Variants in TEK observed in about 807,000 individuals in gnomAD.
The protein encoded by TEK is TEK receptor tyrosine kinase, also known as angiopoietin-1 receptor.
In TEK, 43 loss-of-function variants were observed where a neutral mutation model predicts 131.8. That is an observed-to-expected ratio of 0.33 (90% CI 0.26 to 0.42). TEK has a LOEUF of 0.42. Among genes scored for constraint, TEK ranks in the 10% least tolerant of loss-of-function variants. The pLI is 1.00. For missense variants in TEK, 1,162 were observed against 1,384.4 expected (o/e 0.84, Z 2.55); for synonymous variants, 580 against 491.6 (o/e 1.18, Z -2.38).
chr9:27,142,779 C>T (rs147600575), intron 1 of TEK, among the ~76,000 whole-genome samples: 43 of 152,308 alleles, frequency 2.8e-4, no homozygotes, highest in Admixed American at 7.8e-4. Context: ...TTGAGATCTC[C>T]TTTAGTCATC....
intron 18 of TEK, among the ~76,000 whole-genome samples, chr9:27,217,179 C>T (rs1825847254): frequency 6.6e-6 from 1 of 152,184 alleles, no homozygotes; most frequent in Non-Finnish European, 1.5e-5. Flanking sequence ...TCCCCTTGTC[C>T]AGAGATGCTC....
intron 6 of TEK, among the ~76,000 whole-genome samples, chr9:27,178,856 T>A (rs1824262986): frequency 6.6e-6 from 1 of 152,204 alleles, no homozygotes; most frequent in African/African-American, 2.4e-5. Flanking sequence ...TATTCTACTA[T>A]AAAGAAACAG....
intron 9 of TEK, among the ~76,000 whole-genome samples, chr9:27,187,421 C>T (rs1409989802): frequency 1.3e-5 from 2 of 152,168 alleles, no homozygotes; most frequent in Non-Finnish European, 2.9e-5. Flanking sequence ...TTTACTTAGC[C>T]TGGGAACCAG....
chr9:27,218,087 A>AGC (rs1825887164), intron 19 of TEK, among the ~76,000 whole-genome samples: 1 of 146,080 alleles, frequency 6.8e-6, no homozygotes, highest in Non-Finnish European at 1.5e-5. Flanking sequence ...GATCAGAGGA[A>AGC]GCAACCCAGA....
At chr9:27,192,028 C>A in intron 10 of TEK, 1 of 445,064 alleles carries the variant, frequency 2.2e-6, no homozygotes, top group Non-Finnish European at 4.5e-6. Flanking sequence ...CTTCAGAATG[C>A]TTCATTGTAA....
chr9:27,188,587 A>G (rs891814469), intron 9 of TEK, among the ~76,000 whole-genome samples: 1 of 152,164 alleles, frequency 6.6e-6, no homozygotes, highest in Non-Finnish European at 1.5e-5. Context: ...CCTAAGTGAA[A>G]TGTGTACTCA....
chr9:27,117,142 G>T (rs1370274196), intron 1 of TEK, among the ~76,000 whole-genome samples: 1 of 152,130 alleles, frequency 6.6e-6, no homozygotes, highest in Non-Finnish European at 1.5e-5. Flanking sequence ...TGGGATTACA[G>T]GCGTGAGCCA....
At chr9:27,208,349 T>A (rs574023203) in intron 15 of TEK, among the ~76,000 whole-genome samples, 3 of 148,570 alleles carry the variant, frequency 2.0e-5, no homozygotes, top group African/African-American at 7.3e-5. Flanking sequence ...CAATGTGTGT[T>A]TTTTTTTTTA....
chr9:27,184,961 A>T (rs369279680), intron 8 of TEK, among the ~76,000 whole-genome samples: 11 of 152,144 alleles, frequency 7.2e-5, no homozygotes, highest in Admixed American at 5.2e-4. Flanking sequence ...ACTTAAGGCC[A>T]GGAGTTTGAG....
chr9:27,172,872 C>A, intron 5 of TEK, 125 bp downstream of exon 5: 2 of 1,328,024 alleles, frequency 1.5e-6, no homozygotes, highest in Non-Finnish European at 1.1e-6. Context: ...CAGATGGTAC[C>A]TGTGTGTGAA....
In TEK at chr9:27,183,503, A is replaced by T. The variant is rs749100650; in HGVS notation, c.1075A>T (p.Ile359Leu). The T allele has an allele frequency of 1.5e-5, 24 of 1,613,810 alleles. No individual in the cohort carries two copies. Among genetic ancestry groups the T allele is most frequent in the Non-Finnish European group, 1.7e-5 (20 of 1,179,868 alleles). The change falls in exon 8 of 23, where the codon ATA (isoleucine) becomes TTA (leucine). Residue 359 changes from isoleucine (I) to leucine (L), a missense_variant. Ile to Leu is a conservative substitution (Grantham distance 5). This residue lies in a region of TEK where 436 missense variants were observed against 539.1 expected (regional missense o/e 0.81). Transcript: ENST00000380036. ...AAAGATAGTGGATTTGCCAGATCATATAGAAGTAAACAGTGGTAAATTTAA... is the reference window on the plus strand; with the variant it reads ...AAAGATAGTGGATTTGCCAGATCATTTAGAAGTAAACAGTGGTAAATTTAA... ...TPKIVDLPDH[I>L]EVNSGKFNPI...
intron 1 of TEK, among the ~76,000 whole-genome samples, chr9:27,115,079 ATGT>A (rs1430938507): frequency 3.9e-5 from 6 of 152,224 alleles, no homozygotes; most frequent in African/African-American, 1.2e-4. Context: ...GAATTGTAAA[ATGT>A]TGTGATAAAT....
chr9:27,194,395 A>G (rs1824933293), intron 11 of TEK, among the ~76,000 whole-genome samples: 1 of 152,206 alleles, frequency 6.6e-6, no homozygotes. Flanking sequence ...TCTGAGACTT[A>G]TAGAAGCATT....
At chr9:27,109,852 T>C (rs1039125053) in intron 1 of TEK, among the ~76,000 whole-genome samples, 1 of 152,174 alleles carries the variant, frequency 6.6e-6, no homozygotes, top group Non-Finnish European at 1.5e-5. Flanking sequence ...GTTTGTCTTC[T>C]GGGTGATTGG....
intron 19 of TEK, among the ~76,000 whole-genome samples, chr9:27,218,132 G>GGGGGT (rs1564106228): frequency 1.3e-5 from 2 of 150,766 alleles, no homozygotes; most frequent in Non-Finnish European, 3.0e-5. Context: ...CCAGACAGTG[G>GGGGGT]CGGGGGTCGT....
At chr9:27,165,710 G>T (rs769137266) in intron 2 of TEK, among the ~76,000 whole-genome samples, 35 of 152,168 alleles carry the variant, frequency 2.3e-4, no homozygotes, top group Non-Finnish European at 4.6e-4. Context: ...CTTTCAAAAA[G>T]GGTGGCAGAG....
At chr9:27,181,361 A>G (rs1056189864) in intron 7 of TEK, among the ~76,000 whole-genome samples, 2 of 152,124 alleles carry the variant, frequency 1.3e-5, no homozygotes, top group African/African-American at 4.8e-5. Context: ...AAATTTTCCA[A>G]TATATTTATT....
chr9:27,229,124 A>C, intron 22 of TEK, 34 bp from the exon 23 acceptor site: 2 of 1,604,314 alleles, frequency 1.2e-6, no homozygotes, highest in Non-Finnish European at 1.7e-6. Flanking sequence ...GAATCAAAGC[A>C]GCCTATGTCT....
chr9:27,224,691 C>T lies in TEK; in HGVS notation c.3201-3515C>T, dbSNP rs187846559. ...AGCTGGAAGCATTCCCTTTGAAAAC[C>T]GGCATAAGACAAGGATGCCCTCTCT... On this transcript the variant is annotated intron_variant, in intron 21 of 22. Coordinates refer to ENST00000380036, the MANE Select transcript of TEK (RefSeq NM_000459.5). 5.3e-5 allele frequency among the ~76,000 whole-genome samples: 8 copies of T among 152,200 alleles called. No individual in the cohort carries two copies. The East Asian group carries it at 5.8e-4, about 11-fold the overall frequency.
Sources: gnomAD v4.1 joint callset for allele counts (sites outside exome capture counted in the v4.1 genomes callset) on GRCh38, gnomAD v4.1.1 for gene constraint, gnomAD v4.1.1 regional missense constraint, MANE v1.5 for transcripts, NCBI Gene and HGNC (gene_info 2026-07-23, HGNC 2026-07-21) for gene names.